The following SNX10 variants were observed in gnomAD, a reference collection of about 807,000 sequenced individuals.
The protein encoded by SNX10 is sorting nexin-10.
Under a neutral mutation model 28.5 loss-of-function variants are expected in SNX10, and 25 were observed. That is an observed-to-expected ratio of 0.88 (90% CI 0.64 to 1.22). The LOEUF (loss-of-function observed/expected upper bound fraction) is 1.22. Ranked by LOEUF, SNX10 falls within the 50% of genes most tolerant of loss-of-function variation. SNX10 has a pLI of 0.00. For synonymous variants in SNX10, 62 were observed against 81.4 expected (o/e 0.76, Z 1.28); for missense variants, 223 against 242.6 (o/e 0.92, Z 0.54).
chr7:26,372,382 C>G (rs990284878), intron 6 of SNX10, 109 bp from the exon 7 acceptor site: 1 of 751,462 alleles, frequency 1.3e-6, no homozygotes, highest in African/African-American at 1.8e-5. Flanking sequence ...TTTCCTGTCT[C>G]TCTTTGTGAC....
chr7:26,333,971 C>T (rs578103370), intron 1 of SNX10, among the ~76,000 whole-genome samples: 7 of 152,238 alleles, frequency 4.6e-5, no homozygotes, highest in African/African-American at 7.2e-5. Context: ...AAAGGCAATC[C>T]GATTGGACTA....
intron 1 of SNX10, among the ~76,000 whole-genome samples, chr7:26,320,522 C>T (rs1054324054): frequency 6.6e-6 from 1 of 151,968 alleles, no homozygotes; most frequent in African/African-American, 2.4e-5. Context: ...ATCTCTGCTT[C>T]CCGGGTCCAA....
At chr7:26,332,723 G>C (rs1787791598) in intron 1 of SNX10, among the ~76,000 whole-genome samples, 1 of 152,072 alleles carries the variant, frequency 6.6e-6, no homozygotes, top group South Asian at 2.1e-4. Context: ...AATGGTATTT[G>C]ATCCATTTTC....
At chr7:26,298,382 A>G (rs540119090) in intron 1 of SNX10, among the ~76,000 whole-genome samples, 1 of 152,226 alleles carries the variant, frequency 6.6e-6, no homozygotes, top group Non-Finnish European at 1.5e-5. Flanking sequence ...AATCTTATTA[A>G]TAATCAGATA....
At chr7:26,308,539 G>GCTT (rs1432438749) in intron 1 of SNX10, among the ~76,000 whole-genome samples, 1 of 152,190 alleles carries the variant, frequency 6.6e-6, no homozygotes, top group Non-Finnish European at 1.5e-5. Flanking sequence ...GGTTTGGAGG[G>GCTT]CTTCTGGAAG....
chr7:26,338,481 C>T (rs1311006348), intron 1 of SNX10, among the ~76,000 whole-genome samples: 1 of 152,122 alleles, frequency 6.6e-6, no homozygotes, highest in East Asian at 1.9e-4. Flanking sequence ...GCCTGGAGTG[C>T]AGTGGCGTGA....
chr7:26,325,919 G>A (rs1031420320), intron 1 of SNX10, among the ~76,000 whole-genome samples: 1 of 151,844 alleles, frequency 6.6e-6, no homozygotes, highest in African/African-American at 2.4e-5. Flanking sequence ...GTAGAGACAG[G>A]GTTTTGCCAT....
chr7:26,360,809 G>A (rs1005291553), intron 2 of SNX10, 166 bp from the exon 3 acceptor site: 9 of 1,435,642 alleles, frequency 6.3e-6, no homozygotes, highest in Middle Eastern at 2.3e-4. Context: ...AGATTTGCTC[G>A]TGGTGCCTGA....
rs182578860 is a variant in SNX10 at position 26,372,061 on chromosome 7, A to G, written c.524+28A>G. 27 of 1,386,852 alleles carry G rather than the reference A, an allele frequency of 1.9e-5. No individual in the cohort carries two copies. In the East Asian group the frequency reaches 5.0e-4, roughly 26 times the overall value. The allele number at this position is 1,386,852 out of a possible 1,614,324, so 85.9% of individuals were successfully genotyped here. ...ATTTCCTTGCATTTTGATTTAATGT[A>G]TATGTATTTATATAATACATAGTAT... is the stretch of plus-strand genomic sequence containing the variant. On this transcript the variant is annotated intron_variant, in intron 6 of 6. Transcript: ENST00000338523.
rs368154708 is a variant in SNX10, at chr7:26,291,922, T to TGCGCGGGGAGCGCGGGGAGCGCGGGGA, written c.-179_-153dup. 2,627 of 149,376 alleles carry TGCGCGGGGAGCGCGGGGAGCGCGGGGA rather than the reference T, an allele frequency of 0.018. 48 individuals carry two copies. Among genetic ancestry groups the TGCGCGGGGAGCGCGGGGAGCGCGGGGA allele is most frequent in the East Asian group, 0.067 (331 of 4,930 alleles). The allele number at this position is 149,376 out of a possible 1,614,324, so 9.3% of individuals were successfully genotyped here. On this transcript the variant is annotated 5_prime_UTR_variant, in exon 1 of 7. Coordinates refer to ENST00000338523, the MANE Select transcript of SNX10 (RefSeq NM_013322.3). ...TGAGCGCGGGCGCGGGGCCGCTACG[T>TGCGCGGGGAGCGCGGGGAGCGCGGGGA]GCGCGGGGAGCGCGGGGAGCGCGGG...
intron 1 of SNX10, among the ~76,000 whole-genome samples, chr7:26,325,993 G>C (rs12672396): frequency 0.037 from 5,578 of 152,214 alleles, 202 homozygotes; most frequent in East Asian, 0.21. Context: ...GCCCCAAAGT[G>C]ATGAGATTGC....
At chr7:26,326,573 A>C (rs1383546117) in intron 1 of SNX10, among the ~76,000 whole-genome samples, 1 of 150,518 alleles carries the variant, frequency 6.6e-6, no homozygotes, top group Non-Finnish European at 1.5e-5. Context: ...CACCAGAGCA[A>C]GGCTGCCTGG....
intron 2 of SNX10, among the ~76,000 whole-genome samples, chr7:26,358,453 T>C (rs1788912945): frequency 6.6e-6 from 1 of 152,122 alleles, no homozygotes; most frequent in South Asian, 2.1e-4. Flanking sequence ...GAAGAAGAAA[T>C]ACTGGCTGGG....
intron 1 of SNX10, among the ~76,000 whole-genome samples, chr7:26,321,561 C>T (rs891999029): frequency 2.0e-5 from 3 of 152,152 alleles, no homozygotes; most frequent in Non-Finnish European, 4.4e-5. Flanking sequence ...GGCCTGCCTG[C>T]CTTGGCCACG....
In SNX10 at chr7:26,346,457, A is replaced by G. The variant is rs1447874761; in HGVS notation, c.15A>G (p.Gln5=). 1.2e-6 allele frequency: 2 copies of G among 1,608,168 alleles called. No individual in the cohort carries two copies. Among genetic ancestry groups the G allele is most frequent in the African/African-American group, 1.3e-5 (1 of 74,916 alleles). ...CTGTGCTGAAGATGTTTCCGGAACA[A>G]CAGAAAGAGGTATGTCATCACAAAT... is the stretch of plus-strand genomic sequence containing the variant. MFPE[Q]QKEEFVSVWV... The change falls in exon 2 of 7, where the codon CAA becomes CAG. Residue 5 remains glutamine, a synonymous_variant. Coordinates refer to ENST00000338523, the MANE Select transcript of SNX10 (RefSeq NM_013322.3).
At chr7:26,309,208 C>A (rs1047677881) in intron 1 of SNX10, among the ~76,000 whole-genome samples, 1 of 152,158 alleles carries the variant, frequency 6.6e-6, no homozygotes, top group Admixed American at 6.5e-5. Flanking sequence ...CAAGCCTTGC[C>A]TTCTCCATGA....
At chr7:26,349,828 A>G (rs929062742) in intron 2 of SNX10, among the ~76,000 whole-genome samples, 2 of 152,156 alleles carry the variant, frequency 1.3e-5, no homozygotes, top group Non-Finnish European at 2.9e-5. Flanking sequence ...ATTTTTCTAC[A>G]CTACTCAGGA....
chr7:26,338,084 G>A (rs1433809025), intron 1 of SNX10, among the ~76,000 whole-genome samples: 1 of 150,420 alleles, frequency 6.6e-6, no homozygotes, highest in Non-Finnish European at 1.5e-5. Context: ...GTCATCTTTG[G>A]AGAAACGTCT....
In SNX10 at chr7:26,364,302, G is replaced by A; in HGVS notation, c.112-233G>A. On this transcript the variant is annotated intron_variant, in intron 3 of 6. Transcript: ENST00000338523. This position sits in a 1 kb window ranked among gnomAD's most constrained non-coding sequence, Gnocchi z 4.9. ...CCTTCAGGATGCAGGGAGTGGCCAG[G>A]TCATACCTCACCCTGGGGCAACACT... The A allele has an allele frequency of 1.6e-6, 2 of 1,228,582 alleles. No individual in the cohort carries two copies. Among genetic ancestry groups the A allele is most frequent in the Non-Finnish European group, 2.0e-6 (2 of 982,288 alleles). 76.1% of individuals were successfully genotyped at this position (1,228,582 alleles called of 1,614,324 possible).
Sources: gnomAD v4.1 joint callset for allele counts (sites outside exome capture counted in the v4.1 genomes callset) on GRCh38, gnomAD v4.1.1 for gene constraint, Gnocchi (gnomAD v3.1) non-coding constraint, MANE v1.5 for transcripts, NCBI Gene and HGNC (gene_info 2026-07-23, HGNC 2026-07-21) for gene names.